ABCA13: variants seen among roughly 807,000 people sequenced by gnomAD.
ABCA13 encodes the protein ATP-binding cassette sub-family A member 13.
In ABCA13, 476 loss-of-function variants were observed where a neutral mutation model predicts 478.7. The ratio of observed to expected loss-of-function variants is 0.99; its 90% CI spans 0.92 to 1.07. The LOEUF (loss-of-function observed/expected upper bound fraction) is 1.07. ABCA13 is among the 50% of genes least tolerant of loss of function. The probability of loss-of-function intolerance (pLI) is 0.00; values close to 1 mark genes in which losing one functional copy is unlikely to be tolerated. For missense variants in ABCA13, 6,060 were observed against 5,910.6 expected (o/e 1.03, Z -0.83); for synonymous variants, 2,252 against 2,158.9 (o/e 1.04, Z -1.20).
At position 48,615,686 on chromosome 7, in the gene ABCA13, A is replaced by G. The variant is rs1792500740; in HGVS notation, c.14837+309A>G. 3.3e-5 allele frequency among the ~76,000 whole-genome samples: 5 copies of G among 152,214 alleles called. No individual in the cohort carries two copies. In the South Asian group the frequency reaches 1.0e-3, roughly 32 times the overall value. On this transcript the variant is annotated intron_variant, in intron 59 of 61. Transcript: ENST00000435803. Reference sequence around the variant, plus strand: ...AAGATTGCAGAGTCAAGATGATGACAGGACACAAAATGTCCTCTTTACACA... The same window carrying G: ...AAGATTGCAGAGTCAAGATGATGACGGGACACAAAATGTCCTCTTTACACA...
intron 5 of ABCA13, among the ~76,000 whole-genome samples, chr7:48,226,709 T>C (rs1188576098): frequency 6.6e-6 from 1 of 152,116 alleles, no homozygotes; most frequent in African/African-American, 2.4e-5. Context: ...TGGAGACCCA[T>C]GTTCCTTCTA....
At position 48,594,661 on chromosome 7, in the gene ABCA13, CT is replaced by C. The variant is rs777697609; in HGVS notation, c.14641-48del. 8 of 1,540,300 alleles carry C rather than the reference CT, an allele frequency of 5.2e-6. No individual in the cohort carries two copies. The African/African-American group carries it at 1.1e-4, about 21-fold the overall frequency. On this transcript the variant is annotated intron_variant, in intron 57 of 61. Transcript: ENST00000435803. ...GCCTCCCATGTCATTGTGTATATTTCTATTTGTGTTTTTCAAATGCTGATTA... is the reference window on the plus strand; with the variant it reads ...GCCTCCCATGTCATTGTGTATATTTCATTTGTGTTTTTCAAATGCTGATTA...
chr7:48,370,539 C>T lies in ABCA13; in HGVS notation c.10804-1629C>T, dbSNP rs562271224. Among the ~76,000 whole-genome samples the T allele has an allele frequency of 2.0e-4, 30 of 151,996 alleles. No homozygotes were observed. The South Asian group carries it at 3.5e-3, about 18-fold the overall frequency. Reference sequence around the variant, plus strand: ...ATGTTGGCTGTGGGTTTGCCATATACGGCTCAGACCATAGTGAAATAAAAT... The same window carrying T: ...ATGTTGGCTGTGGGTTTGCCATATATGGCTCAGACCATAGTGAAATAAAAT... On this transcript the variant is annotated intron_variant, in intron 32 of 61. Coordinates refer to ENST00000435803, the MANE Select transcript of ABCA13 (RefSeq NM_152701.5).
At chr7:48,602,152 AT>A (rs1481988742) in intron 58 of ABCA13, among the ~76,000 whole-genome samples, 1 of 151,886 alleles carries the variant, frequency 6.6e-6, no homozygotes, top group Non-Finnish European at 1.5e-5. Flanking sequence ...GATTGCAAAA[AT>A]TTTCTCCCAT....
chr7:48,172,926 T>A (rs138166004), intron 1 of ABCA13, among the ~76,000 whole-genome samples: 1 of 151,486 alleles, frequency 6.6e-6, no homozygotes, highest in Non-Finnish European at 1.5e-5. Context: ...TTATAAACAG[T>A]GTATTTCATT....
intron 10 of ABCA13, among the ~76,000 whole-genome samples, chr7:48,243,940 G>C (rs969706700): frequency 2.6e-5 from 4 of 152,256 alleles, no homozygotes; most frequent in Admixed American, 2.0e-4. Flanking sequence ...GCTGCCCACA[G>C]TGTGGCTATG....
intron 1 of ABCA13, among the ~76,000 whole-genome samples, chr7:48,189,333 C>A (rs1263783345): frequency 2.7e-5 from 4 of 150,016 alleles, no homozygotes; most frequent in African/African-American, 9.9e-5. Context: ...TGCCTTTGCA[C>A]CCCTGCAGAG....
At chr7:48,428,710 G>A (rs1355858208) in intron 42 of ABCA13, among the ~76,000 whole-genome samples, 2 of 152,190 alleles carry the variant, frequency 1.3e-5, no homozygotes, top group African/African-American at 4.8e-5. Context: ...AAATAGATGT[G>A]TAGTAGTTTC....
chr7:48,174,220 A>C lies in ABCA13; in HGVS notation c.69+2668A>C, dbSNP rs996056136. On this transcript the variant is annotated intron_variant, in intron 1 of 61. Coordinates refer to ENST00000435803, the MANE Select transcript of ABCA13 (RefSeq NM_152701.5). ...TGAGTGAATAAATGGCCTCAAATAC[A>C]TGTTTATTTAGTGAGTAAAGCCAGG... 3.3e-5 allele frequency among the ~76,000 whole-genome samples: 5 copies of C among 152,236 alleles called. 1 individual carries two copies. Among genetic ancestry groups the C allele is most frequent in the African/African-American group, 1.2e-4 (5 of 41,458 alleles).
intron 21 of ABCA13, 85 bp from the exon 22 acceptor site, chr7:48,297,146 TG>T: frequency 9.1e-7 from 1 of 1,104,112 alleles, no homozygotes; most frequent in Non-Finnish European, 1.3e-6. Context: ...GTCCATCTCT[TG>T]GGAGCTGAGG....
intron 42 of ABCA13, among the ~76,000 whole-genome samples, chr7:48,446,831 G>A (rs937249636): frequency 6.6e-6 from 1 of 152,198 alleles, no homozygotes; most frequent in African/African-American, 2.4e-5. Context: ...CAATTATGCA[G>A]GCCAAAGAAA....
intron 41 of ABCA13, among the ~76,000 whole-genome samples, chr7:48,419,726 G>A (rs1011301019): frequency 1.3e-5 from 2 of 152,118 alleles, no homozygotes; most frequent in Non-Finnish European, 2.9e-5. Context: ...CATTTAGTAT[G>A]TGCTTTGCAC....
chr7:48,210,586 C>T (rs1439281598), intron 3 of ABCA13, among the ~76,000 whole-genome samples: 1 of 151,658 alleles, frequency 6.6e-6, no homozygotes, highest in African/African-American at 2.4e-5. Flanking sequence ...TTCTTAATTT[C>T]TTCATTGACC....
At position 48,645,804 on chromosome 7, in the gene ABCA13, C is replaced by T. The variant is rs1795403463; in HGVS notation, c.*292C>T. On this transcript the variant is annotated 3_prime_UTR_variant, in exon 62 of 62. Coordinates refer to ENST00000435803, the MANE Select transcript of ABCA13 (RefSeq NM_152701.5). ...AAAGGCATGAATGATTTGACAGTGT[C>T]CAAACTGAGACATTCTGGAGCTGGA... is the stretch of plus-strand genomic sequence containing the variant. 3.0e-6 allele frequency: 1 copy of T among 329,070 alleles called. No individual in the cohort carries two copies. The highest frequency in any genetic ancestry group is 3.1e-5 in the South Asian group (1 of 32,600). The allele number at this position is 329,070 out of a possible 1,614,324, so 20.4% of individuals were successfully genotyped here.
rs190637004 is a variant in ABCA13 at position 48,479,105 on chromosome 7, G to A, written c.12976-1931G>A. 2.7e-3 allele frequency among the ~76,000 whole-genome samples: 403 copies of A among 151,402 alleles called. 3 individuals are homozygous for A. Among genetic ancestry groups the A allele is most frequent in the African/African-American group, 9.2e-3 (378 of 41,202 alleles). ...TGGGACTACAGGTGGCCGCCACTAC[G>A]CCCGGCTAATTTTTTTTTGTATTTT... On this transcript the variant is annotated intron_variant, in intron 45 of 61. Coordinates refer to ENST00000435803, the MANE Select transcript of ABCA13 (RefSeq NM_152701.5).
At chr7:48,528,450 T>C (rs953117394) in intron 55 of ABCA13, 105 bp downstream of exon 55, 11 of 787,568 alleles carry the variant, frequency 1.4e-5, no homozygotes, top group Non-Finnish European at 1.9e-5. Context: ...AAAACATCAT[T>C]TTCCTCCAAA....
chr7:48,431,159 G>A (rs545958925), intron 42 of ABCA13, among the ~76,000 whole-genome samples: 1 of 151,924 alleles, frequency 6.6e-6, no homozygotes, highest in East Asian at 1.9e-4. Flanking sequence ...TGTTATTAAA[G>A]TCCCATTTCA....
chr7:48,386,057 C>T (rs985259539), intron 35 of ABCA13, among the ~76,000 whole-genome samples: 5 of 152,090 alleles, frequency 3.3e-5, no homozygotes, highest in South Asian at 2.1e-4. Context: ...GGATACTAGA[C>T]CTTTGTCAGA....
At chr7:48,602,987 A>G (rs1174610136) in intron 58 of ABCA13, among the ~76,000 whole-genome samples, 3 of 151,962 alleles carry the variant, frequency 2.0e-5, no homozygotes, top group Non-Finnish European at 2.9e-5. Context: ...TTCTCTTTGT[A>G]GCAATTGTGA....
Sources: gnomAD v4.1 joint callset for allele counts (sites outside exome capture counted in the v4.1 genomes callset) on GRCh38, gnomAD v4.1.1 for gene constraint, MANE v1.5 for transcripts, NCBI Gene and HGNC (gene_info 2026-07-23, HGNC 2026-07-21) for gene names.